The following EEIG2 variants were observed in gnomAD, a reference collection of about 807,000 sequenced individuals.
The protein encoded by EEIG2 is EEIG family member 2.
chr1:108,564,461 T>C, the EEIG2 span, among the ~76,000 whole-genome samples: 1 of 152,146 alleles, frequency 6.6e-6, no homozygotes, highest in Middle Eastern at 3.4e-3. Flanking sequence ...TTGCATATGG[T>C]GGTGGAAGAT....
the EEIG2 span, among the ~76,000 whole-genome samples, chr1:108,585,876 C>A: frequency 1.6e-4 from 24 of 152,044 alleles, no homozygotes; most frequent in Non-Finnish European, 3.1e-4. Flanking sequence ...AATGTAAACA[C>A]CCTACCATCT....
At chr1:108,628,748 A>C in the EEIG2 span, 2 of 1,613,480 alleles carry the variant, frequency 1.2e-6, no homozygotes, top group South Asian at 1.1e-5. Context: ...GATGCAGATG[A>C]CATTGTAGAG....
chr1:108,583,748 C>T, the EEIG2 span, among the ~76,000 whole-genome samples: 4 of 151,706 alleles, frequency 2.6e-5, no homozygotes, highest in African/African-American at 7.3e-5. Context: ...TAGTTAGGAT[C>T]GCAAACCTAG....
the EEIG2 span, among the ~76,000 whole-genome samples, chr1:108,632,593 G>C: frequency 6.6e-6 from 1 of 152,320 alleles, no homozygotes; most frequent in South Asian, 2.1e-4. Context: ...TTTTGAGTTA[G>C]AGACTTGGGT....
chr1:108,628,034 G>T, the EEIG2 span: 1 of 707,010 alleles, frequency 1.4e-6, no homozygotes, highest in Non-Finnish European at 2.5e-6. Flanking sequence ...TGACTTAAAA[G>T]GATGTCCCTC....
At chr1:108,633,019 A>C in the EEIG2 span, among the ~76,000 whole-genome samples, 2 of 146,924 alleles carry the variant, frequency 1.4e-5, no homozygotes, top group Admixed American at 6.9e-5. Flanking sequence ...TCCTGGCCTC[A>C]AGTGATCCTC....
chr1:108,579,510 T>C, the EEIG2 span, among the ~76,000 whole-genome samples: 1 of 147,002 alleles, frequency 6.8e-6, no homozygotes, highest in East Asian at 2.0e-4. Context: ...AACACCCCAC[T>C]GTCAGCATTA....
At chr1:108,635,037 G>T in the EEIG2 span, 1 of 1,518,240 alleles carries the variant, frequency 6.6e-7, no homozygotes, top group Non-Finnish European at 9.1e-7. Context: ...CTCTCCAGGG[G>T]TAAGGTTACT....
At chr1:108,595,431 A>C in the EEIG2 span, among the ~76,000 whole-genome samples, 2 of 133,396 alleles carry the variant, frequency 1.5e-5, no homozygotes, top group Non-Finnish European at 3.2e-5. Flanking sequence ...GAGAGGAGGA[A>C]AGGAGGGAGG....
the EEIG2 span, among the ~76,000 whole-genome samples, chr1:108,581,161 A>G: frequency 5.9e-5 from 9 of 152,150 alleles, no homozygotes; most frequent in South Asian, 2.1e-4. Context: ...CAGCACATCT[A>G]TTTACAGCAT....
chr1:108,628,626 A>T, the EEIG2 span: 1 of 1,571,450 alleles, frequency 6.4e-7, no homozygotes, highest in Non-Finnish European at 8.6e-7. Context: ...TTTTTAAAAA[A>T]CTTTGTTTTC....
the EEIG2 span, among the ~76,000 whole-genome samples, chr1:108,607,193 A>G: frequency 1.3e-5 from 2 of 152,196 alleles, no homozygotes; most frequent in African/African-American, 2.4e-5. Context: ...GCCATTCTCT[A>G]TGTGATGACT....
the EEIG2 span, among the ~76,000 whole-genome samples, chr1:108,609,827 C>G: frequency 1.3e-5 from 2 of 152,166 alleles, no homozygotes; most frequent in African/African-American, 4.8e-5. Context: ...GCTGCATGTT[C>G]TCACTTATAA....
the EEIG2 span, among the ~76,000 whole-genome samples, chr1:108,595,549 C>T: frequency 3.5e-5 from 3 of 84,822 alleles, no homozygotes; most frequent in Non-Finnish European, 6.4e-5. Flanking sequence ...GTAGCTTTTA[C>T]GGAGGGAGAG....
At chr1:108,607,881 T>G in the EEIG2 span, among the ~76,000 whole-genome samples, 1 of 152,120 alleles carries the variant, frequency 6.6e-6, no homozygotes, top group Non-Finnish European at 1.5e-5. Flanking sequence ...CCTTCTAGAG[T>G]CTGTCTCTGT....
chr1:108,565,860 T>TCCATATG, the EEIG2 span, among the ~76,000 whole-genome samples: 14 of 152,264 alleles, frequency 9.2e-5, no homozygotes, highest in African/African-American at 3.4e-4. Context: ...ATTGAAAAAG[T>TCCATATG]AATACAGATT....
the EEIG2 span, among the ~76,000 whole-genome samples, chr1:108,591,557 G>C: frequency 6.6e-6 from 1 of 152,108 alleles, no homozygotes; most frequent in Non-Finnish European, 1.5e-5. Flanking sequence ...TCAATCATAG[G>C]AGACTCTGCC....
chr1:108,598,744 C>T, the EEIG2 span, among the ~76,000 whole-genome samples: 1 of 152,146 alleles, frequency 6.6e-6, no homozygotes, highest in African/African-American at 2.4e-5. Flanking sequence ...AACAAAAGTG[C>T]ACATATGACA....
the EEIG2 span, among the ~76,000 whole-genome samples, chr1:108,613,558 C>G: frequency 6.6e-6 from 1 of 152,156 alleles, no homozygotes; most frequent in Non-Finnish European, 1.5e-5. Context: ...TAATTTCCTT[C>G]TGGCTTCCCA....
Sources: allele counts gnomAD v4.1 joint callset (sites outside exome capture counted in the v4.1 genomes callset), GRCh38; gene constraint gnomAD v4.1.1; transcripts MANE v1.5; gene names NCBI Gene and HGNC (gene_info 2026-07-23, HGNC 2026-07-21).